Variants in CDCP1 observed in about 807,000 individuals in gnomAD.
CDCP1 encodes CUB domain containing protein 1.
A neutral mutation model predicts 60.2 loss-of-function variants in CDCP1; 29 were observed. That is an observed-to-expected ratio of 0.48 (90% confidence interval 0.36 to 0.66). The LOEUF (loss-of-function observed/expected upper bound fraction) is 0.66. CDCP1 is among the 30% of genes least tolerant of loss of function. CDCP1 has a pLI of 0.00. For synonymous variants in CDCP1, 387 were observed against 431.1 expected (o/e 0.90, Z 1.27); for missense variants, 876 against 1,074.3 (o/e 0.82, Z 2.58).
Position 45,091,671 on chromosome 3 carries a change from ATCT to A in CDCP1, c.1628-136_1628-134del. The A allele has an allele frequency of 9.2e-7, 1 of 1,083,364 alleles. No individual in the cohort carries two copies. The highest frequency in any genetic ancestry group is 1.3e-6 in the Non-Finnish European group (1 of 777,530). The allele number at this position is 1,083,364 out of a possible 1,614,324, so 67.1% of individuals were successfully genotyped here. ...AACCGAACTTTCTGCGATGATGGAAATCTTCTAGATCTGCACCATCTGATAGGG... is the reference window on the plus strand; with the variant it reads ...AACCGAACTTTCTGCGATGATGGAAATCTAGATCTGCACCATCTGATAGGG... On this transcript the variant is annotated intron_variant, in intron 6 of 8. Coordinates refer to ENST00000296129, the MANE Select transcript of CDCP1 (RefSeq NM_022842.5). This position sits in a 1 kb window ranked among gnomAD's most constrained non-coding sequence, Gnocchi z 4.8.
chr3:45,135,770 T>G (rs550327042), intron 1 of CDCP1, among the ~76,000 whole-genome samples: 144 of 152,332 alleles, frequency 9.5e-4, no homozygotes, highest in Admixed American at 2.5e-3. Flanking sequence ...CTCTTTCTCT[T>G]GTCTTGCCTG....
At chr3:45,130,116 T>G (rs2126005763) in intron 1 of CDCP1, among the ~76,000 whole-genome samples, 1 of 150,232 alleles carries the variant, frequency 6.7e-6, no homozygotes, top group East Asian at 1.9e-4. Context: ...TAAGTCTCAA[T>G]AAAACAACTT....
rs2276862 is a variant in CDCP1, at chr3:45,146,293, C to G, written c.-6G>C. On this transcript the variant is annotated 5_prime_UTR_variant, in exon 1 of 9. Transcript: ENST00000296129. ...CCGCAGTTCAGGCCGGCCATGACTCCGGGACGCCTCGGCCTCGGTGGGGAA... is the reference window on the plus strand; with the variant it reads ...CCGCAGTTCAGGCCGGCCATGACTCGGGGACGCCTCGGCCTCGGTGGGGAA... 255,785 of 1,564,202 alleles carry G rather than the reference C, an allele frequency of 0.16. 21,891 individuals carry two copies. The highest frequency in any genetic ancestry group is 0.24 in the Middle Eastern group (1,423 of 5,942).
At position 45,092,808 on chromosome 3, in the gene CDCP1, C is replaced by T. The variant is rs6783273; in HGVS notation, c.1627+469G>A. ...CCCAGGAGGGTCGGGTCTGCCCAGCCGTGCTGCTGGACTCTGGCTCCAGAG... is the reference window on the plus strand; with the variant it reads ...CCCAGGAGGGTCGGGTCTGCCCAGCTGTGCTGCTGGACTCTGGCTCCAGAG... On this transcript the variant is annotated intron_variant, in intron 6 of 8. Coordinates refer to ENST00000296129, the MANE Select transcript of CDCP1 (RefSeq NM_022842.5). 6.1e-3 allele frequency among the ~76,000 whole-genome samples: 936 copies of T among 152,280 alleles called. 11 individuals are homozygous for T. The highest frequency in any genetic ancestry group is 0.022 in the African/African-American group (897 of 41,560).
chr3:45,129,820 G>A (rs1699057341), intron 1 of CDCP1, among the ~76,000 whole-genome samples: 1 of 152,092 alleles, frequency 6.6e-6, no homozygotes, highest in Non-Finnish European at 1.5e-5. Flanking sequence ...AAGTTCTTCT[G>A]ACAAAAAGTC....
intron 2 of CDCP1, among the ~76,000 whole-genome samples, chr3:45,114,461 A>G (rs1445143548): frequency 6.7e-6 from 1 of 150,038 alleles, no homozygotes; most frequent in African/African-American, 2.5e-5. Flanking sequence ...CTGTCACCCA[A>G]GCTGGAATGC....
At chr3:45,145,375 A>T (rs542448644) in intron 1 of CDCP1, among the ~76,000 whole-genome samples, 20 of 152,182 alleles carry the variant, frequency 1.3e-4, no homozygotes, top group Non-Finnish European at 5.9e-5. Flanking sequence ...AAACCAGGTT[A>T]TTTACTACGT....
intron 5 of CDCP1, among the ~76,000 whole-genome samples, chr3:45,095,050 C>T (rs556048056): frequency 2.6e-5 from 4 of 151,860 alleles, no homozygotes; most frequent in African/African-American, 9.7e-5. Context: ...TCTCCTGCTT[C>T]AGCCTTCTGA....
At chr3:45,124,255 G>A (rs1474497646) in intron 1 of CDCP1, among the ~76,000 whole-genome samples, 1 of 152,298 alleles carries the variant, frequency 6.6e-6, no homozygotes, top group East Asian at 1.9e-4. Flanking sequence ...ATAAACACCG[G>A]AAGTCATTTT....
chr3:45,097,851 T>C (rs779116632), intron 4 of CDCP1, among the ~76,000 whole-genome samples: 3 of 152,220 alleles, frequency 2.0e-5, no homozygotes, highest in Non-Finnish European at 2.9e-5. Context: ...TCACATCCAA[T>C]AGTGCTTTAA....
intron 1 of CDCP1, among the ~76,000 whole-genome samples, chr3:45,131,787 A>G (rs1190652274): frequency 1.3e-5 from 2 of 152,246 alleles, no homozygotes; most frequent in East Asian, 3.8e-4. Context: ...TTCCCTGATA[A>G]GTGAAAAGCT....
Position 45,091,929 on chromosome 3 carries a change from G to A in CDCP1, c.1628-391C>T, listed in dbSNP as rs1343103720. ...CAGCCTCAGCCTCCCGAGTAGCTAG[G>A]ACTACAGGCATGAGCCACCATGACC... is the stretch of plus-strand genomic sequence containing the variant. On this transcript the variant is annotated intron_variant, in intron 6 of 8. Transcript: ENST00000296129. The surrounding 1 kb of genome is among the most constrained non-coding windows in gnomAD (Gnocchi z 4.8). 6.6e-6 allele frequency among the ~76,000 whole-genome samples: 1 copy of A among 152,148 alleles called. No individual in the cohort carries two copies. Among genetic ancestry groups the A allele is most frequent in the African/African-American group, 2.4e-5 (1 of 41,438 alleles).
chr3:45,119,693 A>C (rs1698850250), intron 1 of CDCP1, among the ~76,000 whole-genome samples: 1 of 152,236 alleles, frequency 6.6e-6, no homozygotes, highest in South Asian at 2.1e-4. Context: ...TCCTTGTAAA[A>C]ATTTATTTTT....
chr3:45,124,358 A>G (rs1698938258), intron 1 of CDCP1, among the ~76,000 whole-genome samples: 1 of 152,148 alleles, frequency 6.6e-6, no homozygotes, highest in Non-Finnish European at 1.5e-5. Context: ...AGTTGCCTCA[A>G]TTCTGGGTGT....
intron 1 of CDCP1, among the ~76,000 whole-genome samples, chr3:45,121,384 T>C (rs1046463462): frequency 2.0e-5 from 3 of 152,344 alleles, no homozygotes; most frequent in East Asian, 3.9e-4. Flanking sequence ...CTGAGCTGTA[T>C]ATTACAACTC....
In CDCP1 at chr3:45,086,074, G is replaced by T. The variant is rs367856551; in HGVS notation, c.2082-7C>A. On this transcript the variant is annotated splice_region_variant and splice_polypyrimidine_tract_variant and intron_variant, in intron 8 of 8. Transcript: ENST00000296129. The stretch of plus-strand genomic sequence containing the variant: ...CTTGTTTGTCTTCTTTTTCCTATTT[G>T]GAAAAATGGAACAAGACAGAAGTCA... 13 of 1,611,014 alleles carry T rather than the reference G, an allele frequency of 8.1e-6. No individual in the cohort carries two copies. The Middle Eastern group carries it at 9.9e-4, about 122-fold the overall frequency.
intron 1 of CDCP1, among the ~76,000 whole-genome samples, chr3:45,126,318 TAAGTG>T (rs1156796042): frequency 1.3e-5 from 2 of 151,656 alleles, no homozygotes. Flanking sequence ...CCATTCTTAT[TAAGTG>T]AATGCAGTTG....
At chr3:45,141,021 T>A (rs754881435) in intron 1 of CDCP1, among the ~76,000 whole-genome samples, 8 of 152,106 alleles carry the variant, frequency 5.3e-5, no homozygotes, top group Non-Finnish European at 1.2e-4. Context: ...GCCAACATGG[T>A]GAAACCCCAC....
rs76024150 is a variant in CDCP1, at chr3:45,112,806, C to T, written c.293-361G>A. Among the ~76,000 whole-genome samples the T allele has an allele frequency of 1.4e-4, 22 of 152,352 alleles. No homozygotes were observed. The East Asian group carries it at 3.5e-3, about 24-fold the overall frequency. On this transcript the variant is annotated intron_variant, in intron 2 of 8. Transcript: ENST00000296129. Reference sequence around the variant, plus strand: ...CTTCAAGTGATGTAACCTGGGTATGCCATTCATACTCCAGAGCTCCCCATG... The same window carrying T: ...CTTCAAGTGATGTAACCTGGGTATGTCATTCATACTCCAGAGCTCCCCATG...
Sources: gnomAD v4.1 joint callset for allele counts (sites outside exome capture counted in the v4.1 genomes callset) on GRCh38, gnomAD v4.1.1 for gene constraint, Gnocchi (gnomAD v3.1) non-coding constraint, MANE v1.5 for transcripts, NCBI Gene and HGNC (gene_info 2026-07-23, HGNC 2026-07-21) for gene names.